Variants in HERC1 observed in about 807,000 individuals in gnomAD.
HERC1 encodes probable E3 ubiquitin-protein ligase HERC1.
HERC1 carries 160 observed loss-of-function variants against 554.3 expected under a neutral mutation model. The ratio of observed to expected loss-of-function variants is 0.29; its 90% CI spans 0.25 to 0.33. HERC1 has a LOEUF of 0.33. Among genes scored for constraint, HERC1 ranks in the 10% least tolerant of loss-of-function variants. The probability of loss-of-function intolerance (pLI) is 1.00; values close to 1 mark genes in which losing one functional copy is unlikely to be tolerated. For missense variants in HERC1, 4,919 were observed against 5,918.5 expected (o/e 0.83, Z 5.54); for synonymous variants, 2,175 against 2,131.7 (o/e 1.02, Z -0.56).
chr15:63,651,463 C>CAT, intron 52 of HERC1, 83 bp from the exon 53 acceptor site: 1 of 1,339,020 alleles, frequency 7.5e-7, no homozygotes, highest in Middle Eastern at 1.9e-4. Flanking sequence ...ATAAGGGTTT[C>CAT]ATATAGACTA....
chr15:63,722,360 A>G (rs938850167), intron 19 of HERC1, among the ~76,000 whole-genome samples: 1 of 152,188 alleles, frequency 6.6e-6, no homozygotes, highest in African/African-American at 2.4e-5. Context: ...ACATCCTTTC[A>G]GTCATTAAAC....
chr15:63,609,389 T>C (rs551927293), intron 77 of HERC1, 123 bp from the exon 78 acceptor site: 14 of 864,448 alleles, frequency 1.6e-5, no homozygotes, highest in Non-Finnish European at 2.2e-5. Context: ...TTAAGTCAAG[T>C]GGACACAGAG....
chr15:63,787,894 A>G (rs550623088), intron 1 of HERC1, among the ~76,000 whole-genome samples: 26 of 150,512 alleles, frequency 1.7e-4, no homozygotes, highest in African/African-American at 6.1e-4. Context: ...CCAGAAGGTC[A>G]AGGCTGCAGT....
At chr15:63,799,361 A>G (rs1269192277) in intron 1 of HERC1, among the ~76,000 whole-genome samples, 2 of 152,072 alleles carry the variant, frequency 1.3e-5, no homozygotes, top group African/African-American at 4.8e-5. Flanking sequence ...TTAGCCAGGC[A>G]TGGTGGCTTG....
intron 1 of HERC1, among the ~76,000 whole-genome samples, chr15:63,813,607 C>T (rs2077400865): frequency 6.6e-6 from 1 of 152,106 alleles, no homozygotes; most frequent in Non-Finnish European, 1.5e-5. Flanking sequence ...TACCTACTCA[C>T]CTAGCCTTTA....
rs150484048 is a variant in HERC1, at chr15:63,633,710, T to C, written c.12693+138A>G. 1.8e-4 allele frequency: 149 copies of C among 819,540 alleles called. 1 individual carries two copies. In the African/African-American group the frequency reaches 2.3e-3, roughly 13 times the overall value. 50.8% of individuals were successfully genotyped at this position (819,540 alleles called of 1,614,324 possible). A position where few individuals can be genotyped will look rare whatever the true frequency, so the allele number is the denominator to read the frequency against. ...GACCTAGCATGTGGGCATTCAAGAA[T>C]GCACAACAGAAGCTTCTAAACTTCA... On this transcript the variant is annotated intron_variant, in intron 67 of 77. Coordinates refer to ENST00000443617, the MANE Select transcript of HERC1 (RefSeq NM_003922.4).
At chr15:63,702,248 G>C (rs540730522) in intron 25 of HERC1, among the ~76,000 whole-genome samples, 2 of 152,016 alleles carry the variant, frequency 1.3e-5, no homozygotes, top group South Asian at 4.2e-4. Context: ...TTTGATACAG[G>C]AGAGAAACAT....
intron 1 of HERC1, among the ~76,000 whole-genome samples, chr15:63,823,858 A>G (rs2077791192): frequency 6.6e-6 from 1 of 152,218 alleles, no homozygotes; most frequent in Non-Finnish European, 1.5e-5. Context: ...CAATTAACAA[A>G]ATGAAAACGT....
In HERC1 at chr15:63,807,058, T is replaced by C. The variant is rs562400655; in HGVS notation, c.-27+26769A>G. 3.9e-5 allele frequency among the ~76,000 whole-genome samples: 6 copies of C among 152,324 alleles called. No individual in the cohort carries two copies. The South Asian group carries it at 1.2e-3, about 32-fold the overall frequency. ...ACCACACCCGGCCTGAGTGATTTTT[T>C]TAAGGCTCAAAATCCACTAAACCAA... On this transcript the variant is annotated intron_variant, in intron 1 of 77. Transcript: ENST00000443617.
intron 1 of HERC1, among the ~76,000 whole-genome samples, chr15:63,783,499 A>G (rs1346559016): frequency 1.3e-5 from 2 of 152,128 alleles, no homozygotes; most frequent in Non-Finnish European, 2.9e-5. Flanking sequence ...TATACGGTAC[A>G]CATAACCTTT....
chr15:63,666,477 G>A lies in HERC1; in HGVS notation c.8207-5C>T. 1 of 1,564,120 alleles carries A rather than the reference G, an allele frequency of 6.4e-7. No individual in the cohort carries two copies. Among genetic ancestry groups the A allele is most frequent in the Non-Finnish European group, 8.7e-7 (1 of 1,143,370 alleles). ...TACTGCTTGGGTCTGACAAGGCTGA[G>A]ACAAAAGGAAGAGAAATAAGAACCT... On this transcript the variant is annotated splice_polypyrimidine_tract_variant and splice_region_variant and intron_variant, in intron 40 of 77. Transcript: ENST00000443617.
intron 55 of HERC1, among the ~76,000 whole-genome samples, chr15:63,647,266 T>C (rs1242709269): frequency 6.8e-6 from 1 of 146,224 alleles, no homozygotes; most frequent in Non-Finnish European, 1.5e-5. Flanking sequence ...AAAATAAAAA[T>C]TTACATTAAA....
Position 63,664,591 on chromosome 15 carries a change from A to T in HERC1, c.8559T>A (p.Pro2853=). 6.2e-7 allele frequency: 1 copy of T among 1,612,178 alleles called. No homozygotes were observed. The change falls in exon 43 of 78, where the codon CCT becomes CCA. Residue 2853 remains proline (P), a synonymous_variant. Coordinates refer to ENST00000443617, the MANE Select transcript of HERC1 (RefSeq NM_003922.4). ...AEMEEGFSES[P]DNLDHTENAA... ...CATTCTCTGTATGATCCAAATTATC[A>T]GGGCTACAAGTGCAAGTGAGAAAGC...
chr15:63,782,746 CCATTGTAGATGCCATTAAGAG>C (rs2143353024), intron 1 of HERC1, among the ~76,000 whole-genome samples: 1 of 152,300 alleles, frequency 6.6e-6, no homozygotes, highest in African/African-American at 2.4e-5. Context: ...AAAGGATTCA[CCATTGTAGATGCCATTAAGAG>C]CATCCATGGT....
Position 63,613,930 on chromosome 15 carries a change from T to C in HERC1, c.14095-1374A>G, listed in dbSNP as rs185197544. 3.9e-5 allele frequency among the ~76,000 whole-genome samples: 6 copies of C among 152,240 alleles called. No homozygotes were observed. In the East Asian group the frequency reaches 1.2e-3, roughly 29 times the overall value. On this transcript the variant is annotated intron_variant, in intron 76 of 77. Transcript: ENST00000443617. ...AGTAAAGGTCAATACCCCACCAAAG[T>C]CTGCCAAACGAAAACAAAAACGAAC...
chr15:63,667,329 T>C (rs933857655), intron 40 of HERC1, among the ~76,000 whole-genome samples: 4 of 152,212 alleles, frequency 2.6e-5, no homozygotes, highest in South Asian at 2.1e-4. Flanking sequence ...ACATAACTAT[T>C]GCTAATAATG....
chr15:63,794,492 A>C (rs1027234023), intron 1 of HERC1, among the ~76,000 whole-genome samples: 1 of 151,974 alleles, frequency 6.6e-6, no homozygotes, highest in African/African-American at 2.4e-5. Context: ...CTAACCCTCT[A>C]ATCATGGCTC....
intron 12 of HERC1, among the ~76,000 whole-genome samples, chr15:63,744,162 G>GTCTCTCTCTCTCTCTCTCTCTCTC (rs1567078071): frequency 8.4e-5 from 3 of 35,712 alleles, no homozygotes; most frequent in African/African-American, 2.5e-4. Flanking sequence ...GTGTGTGTGT[G>GTCTCTCTCTCTCTCTCTCTCTCTC]TGTCTCTCTC....
intron 24 of HERC1, 88 bp downstream of exon 24, chr15:63,712,683 AAAAC>A: frequency 8.4e-7 from 1 of 1,192,956 alleles, no homozygotes. Flanking sequence ...TTATATGTCT[AAAAC>A]AAACATATTA....
Sources: gnomAD v4.1 joint callset for allele counts (sites outside exome capture counted in the v4.1 genomes callset) on GRCh38, gnomAD v4.1.1 for gene constraint, MANE v1.5 for transcripts, NCBI Gene and HGNC (gene_info 2026-07-23, HGNC 2026-07-21) for gene names.